PDE4D: variants seen among roughly 807,000 people sequenced by gnomAD.
The protein encoded by PDE4D is phosphodiesterase 4D.
PDE4D carries 24 observed loss-of-function variants against 87.4 expected under a neutral mutation model. The observed-to-expected ratio is 0.27, with a 90% CI of 0.20 to 0.39. PDE4D has a LOEUF of 0.39. Ranked by LOEUF, PDE4D falls within the 10% of genes least tolerant of loss-of-function variation. PDE4D has a pLI of 1.00. For missense variants in PDE4D, 714 were observed against 1,041.0 expected (o/e 0.69, Z 4.32); for synonymous variants, 384 against 383.2 (o/e 1.00, Z -0.02).
chr5:59,083,229 C>A (rs915969085), intron 5 of PDE4D, among the ~76,000 whole-genome samples: 2 of 151,768 alleles, frequency 1.3e-5, no homozygotes, highest in African/African-American at 4.8e-5. Flanking sequence ...AGTTTGATAC[C>A]TTTGAAAGAT....
intron 1 of PDE4D, among the ~76,000 whole-genome samples, chr5:60,364,590 T>G (rs1760363259): frequency 6.6e-6 from 1 of 152,206 alleles, no homozygotes; most frequent in Admixed American, 6.5e-5. Context: ...TTACACAGAA[T>G]CAGTAAAATG....
At chr5:59,056,669 A>G (rs1762425908) in intron 5 of PDE4D, among the ~76,000 whole-genome samples, 1 of 151,646 alleles carries the variant, frequency 6.6e-6, no homozygotes, top group Non-Finnish European at 1.5e-5. Context: ...CTCATTGTTC[A>G]ACTCCCACTT....
chr5:60,188,735 A>C (rs1367439688), intron 1 of PDE4D, among the ~76,000 whole-genome samples: 1 of 152,194 alleles, frequency 6.6e-6, no homozygotes, highest in Non-Finnish European at 1.5e-5. Context: ...AGACATTGTT[A>C]ATATGTTTTC....
intron 3 of PDE4D, among the ~76,000 whole-genome samples, chr5:59,188,959 C>T (rs1036358064): frequency 7.2e-5 from 11 of 152,100 alleles, no homozygotes; most frequent in African/African-American, 2.7e-4. Context: ...TTAGCACCGA[C>T]TGAAACGAGG....
chr5:59,763,324 T>C (rs911846804), intron 1 of PDE4D, among the ~76,000 whole-genome samples: 4 of 151,326 alleles, frequency 2.6e-5, no homozygotes, highest in African/African-American at 9.7e-5. Flanking sequence ...TAAAGTATAA[T>C]AATAATAAAA....
intron 2 of PDE4D, among the ~76,000 whole-genome samples, chr5:60,002,339 C>A (rs937579988): frequency 6.6e-6 from 1 of 151,604 alleles, no homozygotes; most frequent in African/African-American, 2.4e-5. Flanking sequence ...TTGTAGCAAG[C>A]ATTTTAAGAA....
chr5:59,075,278 T>C (rs533653476), intron 5 of PDE4D, among the ~76,000 whole-genome samples: 26 of 152,292 alleles, frequency 1.7e-4, no homozygotes, highest in African/African-American at 4.3e-4. Flanking sequence ...GATTACATGA[T>C]GAAACTTATT....
At chr5:60,299,749 G>T (rs1753726483) in intron 1 of PDE4D, among the ~76,000 whole-genome samples, 1 of 152,142 alleles carries the variant, frequency 6.6e-6, no homozygotes, top group African/African-American at 2.4e-5. Context: ...TTTTATGGCT[G>T]CATAGCATTC....
At chr5:59,314,217 A>G (rs1364800519) in intron 1 of PDE4D, 2 of 152,070 alleles carry the variant, frequency 1.3e-5, no homozygotes, top group Non-Finnish European at 2.9e-5. Flanking sequence ...GTTCTAAAAG[A>G]ACTTATTCAA....
At chr5:60,257,222 G>GAGAAAGAAAGAAAGAAAGAAAGAAAGAA (rs142753730) in intron 1 of PDE4D, among the ~76,000 whole-genome samples, 41 of 143,242 alleles carry the variant, frequency 2.9e-4, no homozygotes, top group African/African-American at 1.1e-3. Flanking sequence ...AAGAAAGAAA[G>GAGAAAGAAAGAAAGAAAGAAAGAAAGAA]AGAAAGAAAG....
intron 1 of PDE4D, among the ~76,000 whole-genome samples, chr5:59,655,132 C>T (rs1335293923): frequency 6.7e-6 from 1 of 150,370 alleles, no homozygotes; most frequent in Non-Finnish European, 1.5e-5. Context: ...TTTTTTCAAC[C>T]ATTGCCATAT....
chr5:60,280,738 A>T (rs939161179), intron 1 of PDE4D, among the ~76,000 whole-genome samples: 1 of 152,218 alleles, frequency 6.6e-6, no homozygotes, highest in East Asian at 1.9e-4. Flanking sequence ...AGTAAATAGC[A>T]TCATTGTGAG....
At chr5:60,088,225 C>A (rs1019895909) in intron 2 of PDE4D, among the ~76,000 whole-genome samples, 1 of 151,382 alleles carries the variant, frequency 6.6e-6, no homozygotes, top group Non-Finnish European at 1.5e-5. Context: ...AAATTTACAA[C>A]ACGACACTTC....
At chr5:59,024,325 G>A (rs1472726551) in intron 6 of PDE4D, among the ~76,000 whole-genome samples, 2 of 150,162 alleles carry the variant, frequency 1.3e-5, no homozygotes, top group South Asian at 2.1e-4. Context: ...TCAGCCTCCC[G>A]AGTAGCTGAG....
In PDE4D at chr5:59,364,287, T is replaced by C. The variant is rs925190456; in HGVS notation, c.456-148319A>G. On this transcript the variant is annotated intron_variant, in intron 1 of 14. Transcript: ENST00000340635. ...TTTCTACTGGTTCAGTGGAGTTAAG[T>C]GACCTTCCCAAGTTTGGAAAGTGCT... 1.6e-4 allele frequency among the ~76,000 whole-genome samples: 24 copies of C among 152,346 alleles called. No homozygotes were observed. In the East Asian group the frequency reaches 4.4e-3, roughly 28 times the overall value.
chr5:59,891,259 C>A (rs1326148560), intron 1 of PDE4D, among the ~76,000 whole-genome samples: 1 of 152,206 alleles, frequency 6.6e-6, no homozygotes. Context: ...ATTTTTCTTT[C>A]TTCCACTCTC....
chr5:60,004,722 G>A (rs1487026459), intron 2 of PDE4D, among the ~76,000 whole-genome samples: 1 of 152,122 alleles, frequency 6.6e-6, no homozygotes, highest in Non-Finnish European at 1.5e-5. Context: ...ATAAAATGGT[G>A]TTCACCATCA....
At chr5:60,270,325 C>G (rs1750683986) in intron 1 of PDE4D, among the ~76,000 whole-genome samples, 2 of 152,136 alleles carry the variant, frequency 1.3e-5, no homozygotes, top group Admixed American at 1.3e-4. Flanking sequence ...GACAAGGGAA[C>G]CCGTTGGTGT....
intron 6 of PDE4D, among the ~76,000 whole-genome samples, chr5:59,035,614 G>T (rs2936193): frequency 0.85 from 129,281 of 152,210 alleles, 54,926 homozygotes; most frequent in Admixed American, 0.9. Context: ...TATATTCTTT[G>T]GAACTCTTAC....
Sources: gnomAD v4.1 joint callset for allele counts (sites outside exome capture counted in the v4.1 genomes callset) on GRCh38, gnomAD v4.1.1 for gene constraint, MANE v1.5 for transcripts, NCBI Gene and HGNC (gene_info 2026-07-23, HGNC 2026-07-21) for gene names.